EXT2: variants seen among roughly 807,000 people sequenced by gnomAD.
EXT2 encodes exostosin glycosyltransferase 2, also known as exostosin-2.
Under a neutral mutation model 81.6 loss-of-function variants are expected in EXT2, and 53 were observed. That is an observed-to-expected ratio of 0.65 (90% CI 0.52 to 0.82). EXT2 has a LOEUF of 0.82. EXT2 is among the 40% of genes least tolerant of loss of function. The pLI is 0.00. For synonymous variants in EXT2, 320 were observed against 340.0 expected, an observed-to-expected ratio of 0.94 and a Z score of 0.65; for missense variants, 774 against 910.2, an observed-to-expected ratio of 0.85 and a Z score of 1.93.
At chr11:44,214,751 C>CTTT (rs535100279) in intron 10 of EXT2, among the ~76,000 whole-genome samples, 1 of 138,540 alleles carries the variant, frequency 7.2e-6, no homozygotes. Context: ...AAAGAATTGA[C>CTTT]TTTTTTTTTT....
At chr11:44,124,393 T>C (rs1954364935) in intron 4 of EXT2, among the ~76,000 whole-genome samples, 1 of 151,512 alleles carries the variant, frequency 6.6e-6, no homozygotes, top group Non-Finnish European at 1.5e-5. Context: ...GGGACTCAGA[T>C]GTAACTAAGA....
At chr11:44,212,306 AATAAAT>A (rs1206922161) in intron 10 of EXT2, among the ~76,000 whole-genome samples, 19 of 6,762 alleles carry the variant, frequency 2.8e-3, no homozygotes, top group African/African-American at 3.9e-3. Context: ...AATATAAATA[AATAAAT>A]AAATAAATAA....
chr11:44,197,831 G>T lies in EXT2; in HGVS notation c.1308G>T (p.Lys436Asn). The change falls in exon 9 of 14, where the codon AAG becomes AAT. Residue 436 changes from lysine to asparagine, a missense_variant and splice_region_variant. Physicochemically the swap from Lys to Asn is moderately conservative, Grantham distance 94. This residue lies in a region of EXT2 where 626 missense variants were observed against 670.5 expected (regional missense o/e 0.93). Transcript: ENST00000533608. ...CGTGTTAATCTGTCCTCTTGTAGAA[G>T]TGGGGCAGCGTGAGCAATCCACTCT... Reference protein sequence around the residue: ...YEEWNDPPAVKWGSVSNPLFL... With the variant: ...YEEWNDPPAVNWGSVSNPLFL... 2.5e-6 allele frequency: 4 copies of T among 1,613,972 alleles called. No homozygotes were observed. Among genetic ancestry groups the T allele is most frequent in the Non-Finnish European group, 3.4e-6 (4 of 1,179,930 alleles).
intron 6 of EXT2, 51 bp from the exon 7 acceptor site, chr11:44,129,994 G>C (rs1262085796): frequency 2.9e-6 from 4 of 1,397,814 alleles, no homozygotes; most frequent in Non-Finnish European, 4.1e-6. Flanking sequence ...GTGTAGAAAT[G>C]CTTTCTGTGA....
chr11:44,154,785 C>T (rs1954836784), intron 7 of EXT2, among the ~76,000 whole-genome samples: 3 of 152,114 alleles, frequency 2.0e-5, no homozygotes, highest in Non-Finnish European at 4.4e-5. Context: ...ATTTTCTCTA[C>T]ATCCTCACCA....
chr11:44,147,775 C>CTTTTTTTTT (rs66961451), intron 7 of EXT2, among the ~76,000 whole-genome samples: 49 of 103,364 alleles, frequency 4.7e-4, no homozygotes, highest in African/African-American at 1.5e-3. Context: ...TCCACATTGT[C>CTTTTTTTTT]TTTTTTTTTT....
At position 44,250,722 on chromosome 11, in the gene EXT2, A is replaced by G. The variant is rs1956131622; in HGVS notation, c.*6435A>G. ...GAGAGCGTCCATCCGGTGCCTGGTG[A>G]GGGCCCTGCATGGCTGGCTGCTGTC... On this transcript the variant is annotated 3_prime_UTR_variant, in exon 14 of 14. Coordinates refer to ENST00000533608, the MANE Select transcript of EXT2 (RefSeq NM_207122.2). Among the ~76,000 whole-genome samples, 1 of 152,166 alleles carries G rather than the reference A, an allele frequency of 6.6e-6. No individual in the cohort carries two copies. The highest frequency in any genetic ancestry group is 2.4e-5 in the African/African-American group (1 of 41,434).
intron 10 of EXT2, among the ~76,000 whole-genome samples, chr11:44,210,165 A>G (rs1482968467): frequency 6.6e-6 from 1 of 152,274 alleles, no homozygotes; most frequent in Non-Finnish European, 1.5e-5. Context: ...AGAAATGACA[A>G]CAAAAGTCTG....
At chr11:44,236,488 T>C (rs1955966795) in intron 13 of EXT2, 113 bp downstream of exon 13, 1 of 948,154 alleles carries the variant, frequency 1.1e-6, no homozygotes, top group Admixed American at 2.0e-5. Flanking sequence ...GTAGCCATAG[T>C]CACCTCCATG....
chr11:44,227,190 C>T lies in EXT2; in HGVS notation c.1663-5163C>T, dbSNP rs552694938. Reference sequence around the variant, plus strand: ...CTAGTCTGTTTCCGGAATCTGACTGCGGTTAGCACACACCCTGAGTTTAAA... The same window carrying T: ...CTAGTCTGTTTCCGGAATCTGACTGTGGTTAGCACACACCCTGAGTTTAAA... On this transcript the variant is annotated intron_variant, in intron 10 of 13. Coordinates refer to ENST00000533608, the MANE Select transcript of EXT2 (RefSeq NM_207122.2). Among the ~76,000 whole-genome samples the T allele has an allele frequency of 1.5e-4, 23 of 152,300 alleles. 1 individual carries two copies. The South Asian group carries it at 3.7e-3, about 25-fold the overall frequency.
chr11:44,102,230 G>A (rs1953994565), intron 1 of EXT2, among the ~76,000 whole-genome samples: 1 of 152,196 alleles, frequency 6.6e-6, no homozygotes. Context: ...TTATAGGGCT[G>A]TTGAATATAG....
intron 3 of EXT2, among the ~76,000 whole-genome samples, chr11:44,110,691 T>G (rs1186726057): frequency 6.6e-6 from 1 of 152,194 alleles, no homozygotes; most frequent in Non-Finnish European, 1.5e-5. Flanking sequence ...GGGAGTTGGA[T>G]TTTATTTTTA....
intron 7 of EXT2, among the ~76,000 whole-genome samples, chr11:44,130,667 A>T (rs1038255719): frequency 6.6e-6 from 1 of 152,168 alleles, no homozygotes; most frequent in Admixed American, 6.5e-5. Flanking sequence ...TGACTGTCTC[A>T]TACTCCACTT....
intron 7 of EXT2, among the ~76,000 whole-genome samples, chr11:44,132,827 C>A (rs1954512912): frequency 6.6e-6 from 1 of 152,182 alleles, no homozygotes; most frequent in Non-Finnish European, 1.5e-5. Flanking sequence ...CTAAAGCTCT[C>A]CACTGCGGCA....
chr11:44,180,619 C>G (rs1048607891), intron 8 of EXT2, among the ~76,000 whole-genome samples: 11 of 152,208 alleles, frequency 7.2e-5, no homozygotes, highest in African/African-American at 2.7e-4. Context: ...AGTGATTGCT[C>G]TCCAGGTCTC....
chr11:44,219,739 G>T (rs940187179), intron 10 of EXT2, among the ~76,000 whole-genome samples: 2 of 152,160 alleles, frequency 1.3e-5, no homozygotes, highest in African/African-American at 4.8e-5. Flanking sequence ...TCTAGGAAAG[G>T]CTCACCCTTT....
At chr11:44,224,410 A>G (rs926402598) in intron 10 of EXT2, among the ~76,000 whole-genome samples, 1 of 151,908 alleles carries the variant, frequency 6.6e-6, no homozygotes, top group African/African-American at 2.4e-5. Context: ...ATATGTGTTT[A>G]TATTTATATT....
chr11:44,128,942 C>A (rs1470384462), intron 6 of EXT2, among the ~76,000 whole-genome samples: 1 of 152,204 alleles, frequency 6.6e-6, no homozygotes, highest in African/African-American at 2.4e-5. Context: ...CACTTTCCGT[C>A]CTAATGGACT....
intron 4 of EXT2, among the ~76,000 whole-genome samples, chr11:44,119,180 A>T (rs1954280279): frequency 7.1e-6 from 1 of 140,076 alleles, no homozygotes; most frequent in Non-Finnish European, 1.5e-5. Context: ...ACACATACAC[A>T]CACACACACA....
Sources: gnomAD v4.1 joint callset for allele counts (sites outside exome capture counted in the v4.1 genomes callset) on GRCh38, gnomAD v4.1.1 for gene constraint, gnomAD v4.1.1 regional missense constraint, MANE v1.5 for transcripts, NCBI Gene and HGNC (gene_info 2026-07-23, HGNC 2026-07-21) for gene names.